TRPM3: variants seen among roughly 807,000 people sequenced by gnomAD.
The protein encoded by TRPM3 is long transient receptor potential channel 3.
In TRPM3, 77 loss-of-function variants were observed where a neutral mutation model predicts 181.2. The ratio of observed to expected loss-of-function variants is 0.42; its 90% CI spans 0.35 to 0.51. The LOEUF is 0.51. TRPM3 is among the 20% of genes least tolerant of loss of function. The pLI, the probability that TRPM3 is intolerant of heterozygous loss-of-function variation, is 0.01. For missense variants in TRPM3, 1,759 were observed against 2,196.7 expected (o/e 0.80, Z 3.98); for synonymous variants, 745 against 796.4 (o/e 0.94, Z 1.09).
At chr9:71,445,645 C>T (rs749022935) in intron 1 of TRPM3, among the ~76,000 whole-genome samples, 3 of 152,154 alleles carry the variant, frequency 2.0e-5, no homozygotes, top group Non-Finnish European at 4.4e-5. Flanking sequence ...CCTTCAATGA[C>T]GACTTCCCAA....
chr9:71,066,177 G>C (rs116884583), intron 1 of TRPM3, among the ~76,000 whole-genome samples: 34 of 152,276 alleles, frequency 2.2e-4, no homozygotes, highest in Non-Finnish European at 4.3e-4. Context: ...AAACTTTACA[G>C]TTATAAATTC....
At chr9:70,872,142 T>C (rs2095799461) in intron 1 of TRPM3, among the ~76,000 whole-genome samples, 1 of 152,004 alleles carries the variant, frequency 6.6e-6, no homozygotes, top group African/African-American at 2.4e-5. Flanking sequence ...TTTAGGCTCT[T>C]TGAGGGCGAT....
At chr9:71,139,083 T>C (rs528553038) in intron 1 of TRPM3, among the ~76,000 whole-genome samples, 2 of 152,346 alleles carry the variant, frequency 1.3e-5, no homozygotes, top group African/African-American at 4.8e-5. Context: ...GTTAATTTTG[T>C]TTACCTCTTT....
intron 1 of TRPM3, among the ~76,000 whole-genome samples, chr9:71,066,058 G>A (rs1253637319): frequency 6.6e-6 from 1 of 152,132 alleles, no homozygotes; most frequent in Non-Finnish European, 1.5e-5. Context: ...TTTATGTAAT[G>A]ATGGCCCCTA....
In TRPM3 at chr9:70,671,829, A is replaced by T. The variant is rs187148611; in HGVS notation, c.1345+9677T>A. 4.3e-3 allele frequency among the ~76,000 whole-genome samples: 651 copies of T among 152,068 alleles called. 4 individuals are homozygous for T. The highest frequency in any genetic ancestry group is 0.015 in the African/African-American group (623 of 41,472). On this transcript the variant is annotated intron_variant, in intron 9 of 25. Coordinates refer to ENST00000677713, the MANE Select transcript of TRPM3 (RefSeq NM_001366145.2). ...GCCCAGGCTGGAGTGCAGTGGCATG[A>T]TCTCAGCTCATTGCATCCTCCGTTA...
chr9:71,363,687 T>G (rs1405760267), intron 1 of TRPM3, among the ~76,000 whole-genome samples: 1 of 152,196 alleles, frequency 6.6e-6, no homozygotes, highest in Non-Finnish European at 1.5e-5. Flanking sequence ...AGTCTTAGCT[T>G]ATACGCACTG....
chr9:71,373,137 A>G (rs1046330720), intron 1 of TRPM3, among the ~76,000 whole-genome samples: 3 of 152,174 alleles, frequency 2.0e-5, no homozygotes, highest in African/African-American at 7.2e-5. Flanking sequence ...TTAAGTGGGA[A>G]ATTTATAGCA....
Position 71,011,280 on chromosome 9 carries a change from G to A in TRPM3, c.177+109898C>T, listed in dbSNP as rs552797788. Reference sequence around the variant, plus strand: ...ACAATGTATTATATATTTCAAGATAGCTAGAAGAGAAGATTTTTGAGTGTT... The same window carrying A: ...ACAATGTATTATATATTTCAAGATAACTAGAAGAGAAGATTTTTGAGTGTT... On this transcript the variant is annotated intron_variant, in intron 1 of 25. Coordinates refer to ENST00000677713, the MANE Select transcript of TRPM3 (RefSeq NM_001366145.2). 2.2e-4 allele frequency among the ~76,000 whole-genome samples: 34 copies of A among 152,162 alleles called. No homozygotes were observed. The South Asian group carries it at 2.3e-3, about 10-fold the overall frequency.
chr9:70,672,920 TC>T (rs2063257463), intron 9 of TRPM3, among the ~76,000 whole-genome samples: 1 of 152,052 alleles, frequency 6.6e-6, no homozygotes, highest in African/African-American at 2.4e-5. Flanking sequence ...GAAGTAGACA[TC>T]CAGATCTGTT....
At chr9:70,784,029 G>T in intron 7 of TRPM3, 76 bp downstream of exon 7, 5 of 1,523,264 alleles carry the variant, frequency 3.3e-6, no homozygotes, top group Non-Finnish European at 3.5e-6. Flanking sequence ...TTGAGCTACT[G>T]AAAACATAAT....
chr9:71,093,881 A>G (rs794291), intron 1 of TRPM3, among the ~76,000 whole-genome samples: 35,603 of 151,972 alleles, frequency 0.23, 4,940 homozygotes, highest in East Asian at 0.4. Context: ...TATGGCACAT[A>G]TACACCATGG....
At chr9:71,336,705 C>G (rs1343547277) in intron 1 of TRPM3, among the ~76,000 whole-genome samples, 1 of 152,136 alleles carries the variant, frequency 6.6e-6, no homozygotes, top group Admixed American at 6.5e-5. Flanking sequence ...TCAAACTATA[C>G]TACAAGGCTA....
intron 1 of TRPM3, among the ~76,000 whole-genome samples, chr9:70,932,334 A>G (rs1589869470): frequency 6.6e-6 from 1 of 151,932 alleles, no homozygotes; most frequent in Non-Finnish European, 1.5e-5. Context: ...TTGCCTGTCC[A>G]CCTGCCTGTC....
intron 1 of TRPM3, among the ~76,000 whole-genome samples, chr9:70,900,975 T>A (rs977669482): frequency 6.6e-6 from 1 of 152,254 alleles, no homozygotes; most frequent in Non-Finnish European, 1.5e-5. Flanking sequence ...CAGTGGGATG[T>A]AGAAGGCAAC....
chr9:71,385,885 G>C (rs111864687), intron 1 of TRPM3, among the ~76,000 whole-genome samples: 9 of 151,522 alleles, frequency 5.9e-5, no homozygotes, highest in African/African-American at 2.2e-4. Flanking sequence ...TTTTTGGTGG[G>C]GGGTAGAGGC....
In TRPM3 at chr9:70,536,143, G is replaced by A. The variant is rs148848073; in HGVS notation, c.4970C>T (p.Ala1657Val). Residue 1657 changes from alanine to valine, a missense_variant, in exon 26 of 26, where the codon GCG (alanine) becomes GTG (valine). Around this residue, in one of 8 missense-constraint regions of TRPM3, gnomAD observed 612 missense variants for 590.0 expected, o/e 1.04. Transcript: ENST00000677713. ...ANSYSAEEPS[A>V]PYAHTRKSFS... is the part of the protein sequence containing the mutation. Reference sequence around the variant, plus strand: ...GCTCTTCCTGGTGTGTGCATATGGCGCACTTGGCTCCTCTGCCGAGTAGCT... The same window carrying A: ...GCTCTTCCTGGTGTGTGCATATGGCACACTTGGCTCCTCTGCCGAGTAGCT... 2,266 of 1,614,206 alleles carry A rather than the reference G, an allele frequency of 1.4e-3. 3 individuals carry two copies. Among genetic ancestry groups the A allele is most frequent in the Non-Finnish European group, 1.8e-3 (2,086 of 1,180,040 alleles).
intron 5 of TRPM3, among the ~76,000 whole-genome samples, chr9:70,830,320 A>T (rs2093812584): frequency 6.6e-6 from 1 of 152,236 alleles, no homozygotes; most frequent in Non-Finnish European, 1.5e-5. Flanking sequence ...AAAATTAAAT[A>T]ATCTATATTC....
intron 3 of TRPM3, among the ~76,000 whole-genome samples, chr9:70,849,025 T>C (rs565786990): frequency 1.3e-5 from 2 of 151,720 alleles, no homozygotes; most frequent in East Asian, 3.9e-4. Context: ...AGTCTAGAAT[T>C]CTACATTCAG....
In TRPM3 at chr9:71,091,043, T is replaced by C. The variant is rs771286534; in HGVS notation, c.177+30135A>G. On this transcript the variant is annotated intron_variant, in intron 1 of 25. Transcript: ENST00000677713. The stretch of plus-strand genomic sequence containing the variant: ...TAAAATTTACTGCCTTTTTTTCTGT[T>C]CTAAATTAAATTGTACTTAATGTTG... Among the ~76,000 whole-genome samples the C allele has an allele frequency of 9.5e-4, 144 of 152,118 alleles. 3 individuals carry two copies. Among genetic ancestry groups the C allele is most frequent in the Non-Finnish European group, 2.4e-4 (16 of 68,012 alleles).
Sources: allele counts gnomAD v4.1 joint callset (sites outside exome capture counted in the v4.1 genomes callset), GRCh38; gene constraint gnomAD v4.1.1; regional missense constraint gnomAD v4.1.1; transcripts MANE v1.5; gene names NCBI Gene and HGNC (gene_info 2026-07-23, HGNC 2026-07-21).